The following TMEM17 variants were observed in gnomAD, a reference collection of about 807,000 sequenced individuals.
TMEM17 encodes transmembrane protein 17.
Under a neutral mutation model 19.1 loss-of-function variants are expected in TMEM17, and 15 were observed. The observed-to-expected ratio is 0.78, with a 90% confidence interval of 0.52 to 1.21. The LOEUF is 1.21. Among genes scored for constraint, TMEM17 ranks in the 50% most tolerant of loss-of-function variants. The probability of loss-of-function intolerance (pLI) is 0.00; values close to 1 mark genes in which losing one functional copy is unlikely to be tolerated. For missense variants in TMEM17, 245 were observed against 242.3 expected, an observed-to-expected ratio of 1.01 and a Z score of -0.07; for synonymous variants, 103 against 86.9, an observed-to-expected ratio of 1.19 and a Z score of -1.03.
the TMEM17 span, among the ~76,000 whole-genome samples, chr2:62,457,242 G>A: frequency 6.6e-6 from 1 of 152,336 alleles, no homozygotes; most frequent in East Asian, 1.9e-4. The surrounding 1 kb of genome is among the most constrained non-coding windows in gnomAD (Gnocchi z 4.2). Flanking sequence ...TCCCAGCCCC[G>A]CAGCCTTTTG....
the TMEM17 span, among the ~76,000 whole-genome samples, chr2:62,480,914 A>G: frequency 4.8e-5 from 7 of 145,172 alleles, no homozygotes; most frequent in Admixed American, 7.1e-5. Context: ...TTGTGGCTCC[A>G]TACAAATTGT....
chr2:62,475,321 G>A, the TMEM17 span, among the ~76,000 whole-genome samples: 2 of 152,238 alleles, frequency 1.3e-5, no homozygotes, highest in Admixed American at 6.5e-5. Flanking sequence ...GGGGCACAGC[G>A]GCAGAGGCAT....
At chr2:62,461,489 C>T in the TMEM17 span, among the ~76,000 whole-genome samples, 2 of 152,142 alleles carry the variant, frequency 1.3e-5, no homozygotes, top group Admixed American at 1.3e-4. Context: ...CTGGCCCATC[C>T]CACACTGACT....
chr2:62,501,267 C>A lies in TMEM17; in HGVS notation c.539G>T (p.Arg180Leu), dbSNP rs150163358. Residue 180 changes from arginine (R) to leucine (L), a missense_variant, in exon 4 of 4, where the codon CGG (arginine) becomes CTG (leucine). Arg to Leu is a moderately radical substitution (Grantham distance 102, BLOSUM62 -2). Transcript: ENST00000335390. ...AVRFHLQDFD[R>L]LSANRGDMRR... ...CATGTCTCCTCTGTTTGCAGAGAGC[C>A]GGTCAAAGTCTTGGAGGTGGAAACG... 1.2e-6 allele frequency: 2 copies of A among 1,614,122 alleles called. No homozygotes were observed. The highest frequency in any genetic ancestry group is 8.5e-7 in the Non-Finnish European group (1 of 1,180,032).
the TMEM17 span, among the ~76,000 whole-genome samples, chr2:62,485,591 G>A: frequency 6.6e-6 from 1 of 152,132 alleles, no homozygotes; most frequent in African/African-American, 2.4e-5. Context: ...ACAGAAGAGT[G>A]GGACGCAGCT....
chr2:62,478,601 T>C, the TMEM17 span, among the ~76,000 whole-genome samples: 2 of 152,248 alleles, frequency 1.3e-5, no homozygotes, highest in Non-Finnish European at 2.9e-5. Context: ...TCAGGCATCT[T>C]GTTGCTTCTT....
chr2:62,501,711 T>G, intron 3 of TMEM17: 1 of 495,780 alleles, frequency 2.0e-6, no homozygotes, highest in East Asian at 3.3e-5. Context: ...AACAATTAAG[T>G]GCAATATTTA....
In TMEM17 at chr2:62,503,874, C is replaced by G. The variant is rs1189061831; in HGVS notation, c.101-1080G>C. Among the ~76,000 whole-genome samples, 4 of 152,206 alleles carry G rather than the reference C, an allele frequency of 2.6e-5. No individual in the cohort carries two copies. In the East Asian group the frequency reaches 7.7e-4, roughly 29 times the overall value. On this transcript the variant is annotated intron_variant, in intron 1 of 3. Transcript: ENST00000335390. Reference sequence around the variant, plus strand: ...CATAGCCATTTGTGATACATGAGTTCCATTTACCTAAGGTTGATTCCATAA... The same window carrying G: ...CATAGCCATTTGTGATACATGAGTTGCATTTACCTAAGGTTGATTCCATAA...
At chr2:62,501,650 G>A in intron 3 of TMEM17, 163 bp from the exon 4 acceptor site, 5 of 672,718 alleles carry the variant, frequency 7.4e-6, no homozygotes, top group Non-Finnish European at 1.2e-5. Context: ...TTACAGTCTA[G>A]ATGAGAAAAC....
chr2:62,473,994 C>A, the TMEM17 span, among the ~76,000 whole-genome samples: 1 of 152,078 alleles, frequency 6.6e-6, no homozygotes, highest in Non-Finnish European at 1.5e-5. Flanking sequence ...ACAGGACCAT[C>A]CATGCAGGGA....
At chr2:62,460,367 G>A in the TMEM17 span, among the ~76,000 whole-genome samples, 10 of 152,292 alleles carry the variant, frequency 6.6e-5, no homozygotes, top group East Asian at 3.9e-4. Flanking sequence ...CCACCCAAGC[G>A]TGGCTGCTGG....
the TMEM17 span, among the ~76,000 whole-genome samples, chr2:62,481,346 C>T: frequency 6.6e-6 from 1 of 152,150 alleles, no homozygotes; most frequent in African/African-American, 2.4e-5. Context: ...TTGGCAGAGT[C>T]TACAGGTTTT....
At chr2:62,479,472 C>T in the TMEM17 span, among the ~76,000 whole-genome samples, 11 of 152,200 alleles carry the variant, frequency 7.2e-5, no homozygotes, top group African/African-American at 2.4e-4. Flanking sequence ...CCCATTCATC[C>T]GTTGTTGGAC....
chr2:62,482,721 C>G, the TMEM17 span, among the ~76,000 whole-genome samples: 1 of 152,118 alleles, frequency 6.6e-6, no homozygotes, highest in African/African-American at 2.4e-5. Flanking sequence ...CTGGTGGTCA[C>G]CATTCTCAAC....
the TMEM17 span, among the ~76,000 whole-genome samples, chr2:62,474,605 A>G: frequency 3.3e-5 from 5 of 152,190 alleles, no homozygotes; most frequent in Non-Finnish European, 7.3e-5. Context: ...GAATACAAAC[A>G]TGAATAAGAC....
At chr2:62,462,010 G>T in the TMEM17 span, among the ~76,000 whole-genome samples, 7 of 152,374 alleles carry the variant, frequency 4.6e-5, no homozygotes, top group African/African-American at 1.7e-4. Flanking sequence ...TAGAAGAGGT[G>T]AATTCAGGAA....
At chr2:62,490,615 T>C in the TMEM17 span, among the ~76,000 whole-genome samples, 1 of 152,198 alleles carries the variant, frequency 6.6e-6, no homozygotes, top group Non-Finnish European at 1.5e-5. Flanking sequence ...ATTTCTCATA[T>C]TTCGAAGCTT....
downstream of TMEM17, among the ~76,000 whole-genome samples, chr2:62,499,080 C>T (rs1679852348): frequency 6.6e-6 from 1 of 152,170 alleles, no homozygotes; most frequent in Non-Finnish European, 1.5e-5. Flanking sequence ...TCTCAATTTA[C>T]TATCTTTTTT....
the TMEM17 span, among the ~76,000 whole-genome samples, chr2:62,474,248 G>T: frequency 6.6e-6 from 1 of 152,170 alleles, no homozygotes; most frequent in Non-Finnish European, 1.5e-5. Flanking sequence ...GTTCAGTTTT[G>T]CAGTCCAGTT....
Sources: allele counts gnomAD v4.1 joint callset (sites outside exome capture counted in the v4.1 genomes callset), GRCh38; gene constraint gnomAD v4.1.1; non-coding constraint Gnocchi (gnomAD v3.1); transcripts MANE v1.5; gene names NCBI Gene and HGNC (gene_info 2026-07-23, HGNC 2026-07-21).